Variants in AGPS observed in about 807,000 individuals in gnomAD.
The protein encoded by AGPS is alkylglycerone phosphate synthase.
Under a neutral mutation model 90.7 loss-of-function variants are expected in AGPS, and 26 were observed. That is an observed-to-expected ratio of 0.29 (90% confidence interval 0.21 to 0.40). The LOEUF is 0.40. Among genes scored for constraint, AGPS ranks in the 10% least tolerant of loss-of-function variants. AGPS has a pLI of 1.00. For synonymous variants in AGPS, 294 were observed against 285.3 expected (o/e 1.03, Z -0.31); for missense variants, 540 against 816.1 (o/e 0.66, Z 4.12).
intron 7 of AGPS, 122 bp downstream of exon 7, chr2:177,442,608 AGGCTGAG>A: frequency 5.3e-6 from 4 of 759,170 alleles, no homozygotes; most frequent in Non-Finnish European, 8.8e-6. Flanking sequence ...GCACCTGGGG[AGGCTGAG>A]GTGGGTGGAT....
At chr2:177,417,644 A>G (rs1276303532) in intron 1 of AGPS, among the ~76,000 whole-genome samples, 1 of 152,182 alleles carries the variant, frequency 6.6e-6, no homozygotes. Flanking sequence ...CTCACAACTA[A>G]CTTAGCTGCG....
At chr2:177,513,954 GTT>G in intron 17 of AGPS, 46 bp downstream of exon 17, 1 of 1,434,188 alleles carries the variant, frequency 7.0e-7, no homozygotes, top group Non-Finnish European at 9.8e-7. Context: ...TGAAAAAAAT[GTT>G]TTTTTTAATC....
At chr2:177,495,468 G>T (rs1462002420) in intron 12 of AGPS, among the ~76,000 whole-genome samples, 2 of 152,144 alleles carry the variant, frequency 1.3e-5, no homozygotes, top group South Asian at 4.1e-4. Flanking sequence ...AAGCCCAGGA[G>T]TTTTTGCACT....
chr2:177,539,038 A>G lies in AGPS; in HGVS notation c.*843A>G, dbSNP rs2079208441. 1 of 152,076 alleles carries G rather than the reference A, an allele frequency of 6.6e-6. No individual in the cohort carries two copies. Among genetic ancestry groups the G allele is most frequent in the Admixed American group, 6.6e-5 (1 of 15,250 alleles). The allele number at this position is 152,076 out of a possible 1,614,324, so 9.4% of individuals were successfully genotyped here. A position where few individuals can be genotyped will look rare whatever the true frequency, so the allele number is the denominator to read the frequency against. On this transcript the variant is annotated 3_prime_UTR_variant, in exon 20 of 20. Transcript: ENST00000264167. ...TCACATTCTTGTTGCTGAAATGCAGAAGAAACAGCTACAGCAAGAGCAGAA... is the reference window on the plus strand; with the variant it reads ...TCACATTCTTGTTGCTGAAATGCAGGAGAAACAGCTACAGCAAGAGCAGAA...
rs148893437 is a variant in AGPS at position 177,404,621 on chromosome 2, A to T, written c.260+11572A>T. ...CCATTCTTTTTTCCACCTAATATTAATCTATTTTGTTTTGATGCATTTTAA... is the reference window on the plus strand; with the variant it reads ...CCATTCTTTTTTCCACCTAATATTATTCTATTTTGTTTTGATGCATTTTAA... On this transcript the variant is annotated intron_variant, in intron 1 of 19. Coordinates refer to ENST00000264167, the MANE Select transcript of AGPS (RefSeq NM_003659.4). Among the ~76,000 whole-genome samples the T allele has an allele frequency of 4.0e-3, 611 of 152,174 alleles. 5 individuals are homozygous for T. The highest frequency in any genetic ancestry group is 0.032 in the East Asian group (167 of 5,184).
At chr2:177,409,054 C>T (rs1685545836) in intron 1 of AGPS, among the ~76,000 whole-genome samples, 1 of 152,102 alleles carries the variant, frequency 6.6e-6, no homozygotes, top group African/African-American at 2.4e-5. Context: ...GCTTTTAATG[C>T]TTTCTTCTCT....
intron 1 of AGPS, among the ~76,000 whole-genome samples, chr2:177,398,203 C>T (rs763587210): frequency 6.6e-6 from 1 of 152,124 alleles, no homozygotes; most frequent in Non-Finnish European, 1.5e-5. Flanking sequence ...AGTGACCTGG[C>T]TTAAAACTTA....
intron 7 of AGPS, 63 bp downstream of exon 7, chr2:177,442,549 TA>T: frequency 1.5e-6 from 2 of 1,350,908 alleles, no homozygotes; most frequent in South Asian, 1.2e-5. Context: ...TAATTGTCAT[TA>T]AAAAAGAATC....
chr2:177,451,855 G>C (rs1379821329), intron 8 of AGPS, among the ~76,000 whole-genome samples: 2 of 152,068 alleles, frequency 1.3e-5, no homozygotes, highest in African/African-American at 2.4e-5. Context: ...TGTTGCTTTA[G>C]TGACATGCCA....
At chr2:177,466,491 C>T (rs1687452189) in intron 9 of AGPS, among the ~76,000 whole-genome samples, 1 of 152,220 alleles carries the variant, frequency 6.6e-6, no homozygotes, top group South Asian at 2.1e-4. Context: ...CATTTCCGCC[C>T]AGGAGCCTGT....
intron 9 of AGPS, among the ~76,000 whole-genome samples, chr2:177,467,049 C>A (rs930931595): frequency 6.6e-6 from 1 of 151,822 alleles, no homozygotes; most frequent in Non-Finnish European, 1.5e-5. Context: ...CCGTTGGCTC[C>A]ATGCAGTGCA....
chr2:177,457,001 C>T (rs1687137422), intron 8 of AGPS, among the ~76,000 whole-genome samples: 1 of 152,144 alleles, frequency 6.6e-6, no homozygotes, highest in South Asian at 2.1e-4. Flanking sequence ...TCTCTCAGAC[C>T]ACAGTGCAAT....
chr2:177,432,252 A>C (rs967325303), intron 2 of AGPS, among the ~76,000 whole-genome samples: 1 of 152,226 alleles, frequency 6.6e-6, no homozygotes, highest in African/African-American at 2.4e-5. Flanking sequence ...TTTCAGCCCT[A>C]TGGGAAAGTG....
At position 177,523,754 on chromosome 2, in the gene AGPS, G is replaced by A; in HGVS notation, c.1804G>A (p.Ala602Thr). ...GTGTTGTTTCCAAATACAGGCAGCT[G>A]CTAGAGAAGAAATCCTTGCTAATGG... ...LTVFEQTEAA[A>T]REEILANGGS... Residue 602 changes from alanine (A) to threonine (T), a missense_variant, in exon 19 of 20, where the codon GCT (alanine) becomes ACT (threonine). Physicochemically the swap from Ala to Thr is moderately conservative, Grantham distance 58 (BLOSUM62 0). Transcript: ENST00000264167. 6.2e-7 allele frequency: 1 copy of A among 1,613,916 alleles called. No individual in the cohort carries two copies. Among genetic ancestry groups the A allele is most frequent in the Non-Finnish European group, 8.5e-7 (1 of 1,179,848 alleles).
intron 17 of AGPS, among the ~76,000 whole-genome samples, chr2:177,519,483 A>T (rs1257278504): frequency 1.3e-5 from 2 of 152,120 alleles, no homozygotes; most frequent in Non-Finnish European, 2.9e-5. Context: ...GTATCTTTAG[A>T]CTATGTCATA....
At chr2:177,400,105 G>A (rs1391095770) in intron 1 of AGPS, among the ~76,000 whole-genome samples, 3 of 152,128 alleles carry the variant, frequency 2.0e-5, no homozygotes, top group Non-Finnish European at 4.4e-5. Context: ...ATAGGAAGAG[G>A]TTAAAGTAAT....
chr2:177,470,964 C>T (rs903083401), intron 10 of AGPS, among the ~76,000 whole-genome samples: 3 of 151,984 alleles, frequency 2.0e-5, no homozygotes, highest in African/African-American at 4.8e-5. Context: ...AATTATTCAT[C>T]TTCGTAAGTG....
intron 8 of AGPS, among the ~76,000 whole-genome samples, chr2:177,456,097 G>C (rs553006759): frequency 6.6e-6 from 1 of 152,306 alleles, no homozygotes; most frequent in East Asian, 1.9e-4. Flanking sequence ...AAAGCAGGAG[G>C]AATGCTTGAG....
Position 177,437,012 on chromosome 2 carries a change from G to A in AGPS, c.595G>A (p.Glu199Lys). ...TCTTCATGAGATATTTTTGCTCAGG[G>A]AAGGAATGTTTGAGCGAATTCCTGA... Reference protein sequence around the residue: ...HCLHEIFLLREGMFERIPDIV... With the variant: ...HCLHEIFLLRKGMFERIPDIV... The change falls in exon 5 of 20, where the codon GAA becomes AAA. Residue 199 changes from glutamate to lysine, a missense_variant. Transcript: ENST00000264167. 6.2e-7 allele frequency: 1 copy of A among 1,613,500 alleles called. No individual in the cohort carries two copies. The highest frequency in any genetic ancestry group is 8.5e-7 in the Non-Finnish European group (1 of 1,179,744).
Sources: gnomAD v4.1 joint callset for allele counts (sites outside exome capture counted in the v4.1 genomes callset) on GRCh38, gnomAD v4.1.1 for gene constraint, MANE v1.5 for transcripts, NCBI Gene and HGNC (gene_info 2026-07-23, HGNC 2026-07-21) for gene names.